Variants in GDPD5 observed in about 807,000 individuals in gnomAD.
GDPD5 encodes the protein glycerophosphodiester phosphodiesterase 2.
GDPD5 carries 48 observed loss-of-function variants against 75.1 expected under a neutral mutation model. That is an observed-to-expected ratio of 0.64 (90% CI 0.51 to 0.81). The LOEUF (loss-of-function observed/expected upper bound fraction) is 0.81, where lower values mean the gene tolerates loss of function less well. GDPD5 is among the 40% of genes least tolerant of loss of function. GDPD5 has a pLI of 0.00. For missense variants in GDPD5, 706 were observed against 822.6 expected (o/e 0.86, Z 1.73); for synonymous variants, 336 against 339.0 (o/e 0.99, Z 0.10).
intron 3 of GDPD5, among the ~76,000 whole-genome samples, chr11:75,464,602 C>T (rs906766779): frequency 1.3e-5 from 2 of 152,114 alleles, no homozygotes; most frequent in Non-Finnish European, 2.9e-5. Context: ...GTGCAGAGCC[C>T]GACTGCCTTG....
chr11:75,435,512 G>T lies in GDPD5; in HGVS notation c.1813C>A (p.Arg605Ser), dbSNP rs768603832. Reference sequence around the variant, plus strand: ...TGGGACAGACATGTCTTCAGCTAACGCCCACTCCGCTCTATGAGGGTCTTG... The same window carrying T: ...TGGGACAGACATGTCTTCAGCTAACTCCCACTCCGCTCTATGAGGGTCTTG... ...HTKTLIERSG[R>S] The change falls in exon 17 of 17, where the codon CGT becomes AGT. Residue 605 changes from arginine (R) to serine (S), a missense_variant. Physicochemically the swap from Arg to Ser is moderately radical, Grantham distance 110 (BLOSUM62 -1). Transcript: ENST00000336898. 6.2e-7 allele frequency: 1 copy of T among 1,603,482 alleles called. No individual in the cohort carries two copies. Among genetic ancestry groups the T allele is most frequent in the East Asian group, 2.2e-5 (1 of 44,782 alleles).
intron 6 of GDPD5, chr11:75,450,501 C>T (rs2135226410): frequency 6.3e-6 from 1 of 159,298 alleles, no homozygotes; most frequent in South Asian, 1.9e-4. Context: ...CTCACAGTGG[C>T]ACTTCAGGCG....
chr11:75,455,974 G>C (rs1949276551), intron 6 of GDPD5, among the ~76,000 whole-genome samples: 1 of 152,214 alleles, frequency 6.6e-6, no homozygotes, highest in African/African-American at 2.4e-5. Flanking sequence ...CGGGGTCAGG[G>C]AGCCAGACGA....
intron 11 of GDPD5, 101 bp from the exon 12 acceptor site, chr11:75,442,682 A>G (rs1343361743): frequency 1.9e-6 from 2 of 1,051,850 alleles, no homozygotes; most frequent in Non-Finnish European, 2.8e-6. Context: ...GGGCTGCCAG[A>G]GTCTGCTGGG....
Position 75,457,684 on chromosome 11 carries a change from C to T in GDPD5, c.315+9G>A, listed in dbSNP as rs1361153771. 2.5e-6 allele frequency: 4 copies of T among 1,613,598 alleles called. No individual in the cohort carries two copies. The East Asian group carries it at 8.9e-5, about 36-fold the overall frequency. The stretch of plus-strand genomic sequence containing the variant: ...AGGGCCACCTGCCCTCCAAAACAGC[C>T]CCATGTACCAGGAGGCCAGCGATGT... On this transcript the variant is annotated intron_variant, in intron 5 of 16. Transcript: ENST00000336898.
intron 6 of GDPD5, chr11:75,450,358 C>T: frequency 6.6e-6 from 2 of 302,592 alleles, no homozygotes; most frequent in Non-Finnish European, 6.3e-6. Flanking sequence ...GCCTCCCTGC[C>T]ACCTCAGCAT....
At chr11:75,501,213 G>T (rs569390701) in intron 1 of GDPD5, among the ~76,000 whole-genome samples, 127 of 152,352 alleles carry the variant, frequency 8.3e-4, no homozygotes, top group African/African-American at 2.7e-3. Flanking sequence ...AGGGGCAAGG[G>T]CTATACCCTG....
intron 10 of GDPD5, among the ~76,000 whole-genome samples, chr11:75,443,514 A>G (rs968959888): frequency 3.9e-5 from 6 of 152,094 alleles, no homozygotes; most frequent in African/African-American, 1.2e-4. Flanking sequence ...GGGGGTGGGG[A>G]CTGCCAAGGA....
intron 15 of GDPD5, 169 bp from the exon 16 acceptor site, chr11:75,437,217 T>TCAGA (rs1211516552): frequency 5.1e-6 from 3 of 589,814 alleles, no homozygotes; most frequent in Non-Finnish European, 9.0e-6. Flanking sequence ...GGGGCTTGAA[T>TCAGA]CAGAGCCTAC....
Position 75,443,279 on chromosome 11 carries a change from C to A in GDPD5, c.805G>T (p.Gly269Cys). 6.2e-7 allele frequency: 1 copy of A among 1,608,138 alleles called. No homozygotes were observed. Among genetic ancestry groups the A allele is most frequent in the Non-Finnish European group, 8.5e-7 (1 of 1,178,188 alleles). ...GTGTCATGCATGAGGAAGGGCACGC[C>A]GTCCAGGCTGCAGGGAGGGTGGGGC... ...LQADITISLD[G>C]VPFLMHDTTL... The change falls in exon 11 of 17, where the codon GGC becomes TGC. Residue 269 changes from glycine to cysteine, a missense_variant. Transcript: ENST00000336898.
At chr11:75,499,212 G>T (rs1044847736) in intron 1 of GDPD5, among the ~76,000 whole-genome samples, 2 of 151,924 alleles carry the variant, frequency 1.3e-5, no homozygotes, top group Non-Finnish European at 2.9e-5. Context: ...CTTGCAAGCA[G>T]CAGAACATGC....
At chr11:75,496,827 C>T (rs565069709) in intron 1 of GDPD5, among the ~76,000 whole-genome samples, 2 of 117,422 alleles carry the variant, frequency 1.7e-5, no homozygotes, top group African/African-American at 6.5e-5. Context: ...GTTATTCAGG[C>T]TGGAGTGCAG....
intron 1 of GDPD5, among the ~76,000 whole-genome samples, chr11:75,497,359 G>A (rs1334225059): frequency 6.6e-6 from 1 of 152,018 alleles, no homozygotes; most frequent in Non-Finnish European, 1.5e-5. Flanking sequence ...GTTGTCTCCC[G>A]GCCTCACCCC....
At chr11:75,456,478 C>T in intron 6 of GDPD5, 1 of 497,134 alleles carries the variant, frequency 2.0e-6, no homozygotes, top group Non-Finnish European at 3.7e-6. Flanking sequence ...ACTGGGAGAC[C>T]TTAGGCAAAT....
At chr11:75,455,964 C>T (rs910315868) in intron 6 of GDPD5, among the ~76,000 whole-genome samples, 6 of 152,062 alleles carry the variant, frequency 3.9e-5, no homozygotes, top group Non-Finnish European at 8.8e-5. Context: ...CTGGGTGGGT[C>T]GGGGTCAGGG....
At chr11:75,458,319 C>G (rs1949336293) in intron 4 of GDPD5, among the ~76,000 whole-genome samples, 1 of 152,170 alleles carries the variant, frequency 6.6e-6, no homozygotes, top group South Asian at 2.1e-4. Flanking sequence ...TAGAATTGAT[C>G]GAATGTAATA....
chr11:75,479,881 A>G (rs1403464679), intron 2 of GDPD5, among the ~76,000 whole-genome samples: 1 of 152,234 alleles, frequency 6.6e-6, no homozygotes, highest in Non-Finnish European at 1.5e-5. Context: ...AGCATGGATC[A>G]GCATTTCATT....
At chr11:75,483,636 G>A (rs948544316) in intron 2 of GDPD5, among the ~76,000 whole-genome samples, 1 of 152,190 alleles carries the variant, frequency 6.6e-6, no homozygotes, top group African/African-American at 2.4e-5. Flanking sequence ...ACCCATCAGG[G>A]AATGAGGACT....
rs745714476 is a variant in GDPD5 at position 75,477,674 on chromosome 11, C to T, written c.62G>A (p.Gly21Asp). 1 of 1,600,632 alleles carries T rather than the reference C, an allele frequency of 6.2e-7. No homozygotes were observed. Residue 21 changes from glycine to aspartate, a missense_variant, in exon 3 of 17, where the codon GGC becomes GAC. Coordinates refer to ENST00000336898, the MANE Select transcript of GDPD5 (RefSeq NM_030792.8). The part of the protein sequence containing the change: ...EPQLCLSCLT[G>D]IYGCRWKRYQ... Reference sequence around the variant, plus strand: ...GCGCTTCCAACGGCAGCCGTAGATGCCCGTGAGGCAGGAGAGGCACAGCTG... The same window carrying T: ...GCGCTTCCAACGGCAGCCGTAGATGTCCGTGAGGCAGGAGAGGCACAGCTG...
Sources: allele counts gnomAD v4.1 joint callset (sites outside exome capture counted in the v4.1 genomes callset), GRCh38; gene constraint gnomAD v4.1.1; transcripts MANE v1.5; gene names NCBI Gene and HGNC (gene_info 2026-07-23, HGNC 2026-07-21).